WNT16: variants seen among roughly 807,000 people sequenced by gnomAD.
WNT16 encodes the protein protein Wnt-16.
WNT16 carries 20 observed loss-of-function variants against 35.4 expected under a neutral mutation model. That is an observed-to-expected ratio of 0.56 (90% CI 0.40 to 0.82). WNT16 has a LOEUF of 0.82. Among genes scored for constraint, WNT16 ranks in the 40% least tolerant of loss-of-function variants. The probability of loss-of-function intolerance (pLI) is 0.00; values close to 1 mark genes in which losing one functional copy is unlikely to be tolerated. For missense variants in WNT16, 461 were observed against 466.0 expected (o/e 0.99, Z 0.10); for synonymous variants, 180 against 179.2 (o/e 1.00, Z -0.03).
intron 3 of WNT16, among the ~76,000 whole-genome samples, chr7:121,334,137 C>G (rs1160957004): frequency 6.6e-6 from 1 of 152,000 alleles, no homozygotes; most frequent in African/African-American, 2.4e-5. Flanking sequence ...ATTATTCTAA[C>G]TAGCTTGAAA....
chr7:121,329,100 C>G lies in WNT16; in HGVS notation c.-193C>G. On this transcript the variant is annotated 5_prime_UTR_variant, in exon 1 of 4. Coordinates refer to ENST00000222462, the MANE Select transcript of WNT16 (RefSeq NM_057168.2). ...GATCCCCAGGCTGCTCTCTCCATCT[C>G]TCCTACAGCTCCCTGCAAACGAGGG... 1 of 1,363,078 alleles carries G rather than the reference C, an allele frequency of 7.3e-7. No homozygotes were observed. Among genetic ancestry groups the G allele is most frequent in the South Asian group, 2.1e-5 (1 of 47,976 alleles). 84.4% of individuals were successfully genotyped at this position (1,363,078 alleles called of 1,614,324 possible). A position where few individuals can be genotyped will look rare whatever the true frequency, so the allele number is the denominator to read the frequency against.
At chr7:121,335,302 C>A (rs752589128) in intron 3 of WNT16, among the ~76,000 whole-genome samples, 3 of 152,148 alleles carry the variant, frequency 2.0e-5, no homozygotes, top group Admixed American at 6.5e-5. Context: ...ACTTCTCAAG[C>A]GGTTTCTATG....
Position 121,336,645 on chromosome 7 carries a change from T to C in WNT16, c.634-2236T>C, listed in dbSNP as rs187208648. Among the ~76,000 whole-genome samples, 8 of 152,276 alleles carry C rather than the reference T, an allele frequency of 5.3e-5. 1 individual carries two copies. In the East Asian group the frequency reaches 1.5e-3, roughly 29 times the overall value. On this transcript the variant is annotated intron_variant, in intron 3 of 3. Transcript: ENST00000222462. The stretch of plus-strand genomic sequence containing the variant: ...TACCATTAACCTCTTAGCAGTGACA[T>C]GTGTTTAAGAAGGTGGTTTTTATTA...
chr7:121,334,788 G>T (rs903888760), intron 3 of WNT16, among the ~76,000 whole-genome samples: 1 of 152,048 alleles, frequency 6.6e-6, no homozygotes, highest in Non-Finnish European at 1.5e-5. Flanking sequence ...TCTTCCAGGG[G>T]CAGAACTTCT....
chr7:121,329,549 G>C lies in WNT16; in HGVS notation c.96-18G>C, dbSNP rs377702128. 8.7e-6 allele frequency: 14 copies of C among 1,612,032 alleles called. No homozygotes were observed. In the South Asian group the frequency reaches 1.2e-4, roughly 14 times the overall value. On this transcript the variant is annotated intron_variant, in intron 1 of 3. Transcript: ENST00000222462. ...AATTGGGGAGCGGCTTAACGCTACG[G>C]GCGGCCGTGTCTTACAGGTGGTTGG...
At chr7:121,330,945 C>T (rs999062873) in intron 2 of WNT16, among the ~76,000 whole-genome samples, 1 of 151,830 alleles carries the variant, frequency 6.6e-6, no homozygotes, top group Non-Finnish European at 1.5e-5. Flanking sequence ...TTAGCTCAAA[C>T]TCTACTGCAG....
At chr7:121,327,892 T>C (rs1584674391), upstream of WNT16, among the ~76,000 whole-genome samples, 1 of 152,186 alleles carries the variant, frequency 6.6e-6, no homozygotes, top group Non-Finnish European at 1.5e-5. Context: ...ACCTTCCAAA[T>C]CTGCCAGTAA....
At chr7:121,329,943 A>G in intron 2 of WNT16, 126 bp downstream of exon 2, 10 of 1,398,360 alleles carry the variant, frequency 7.2e-6, no homozygotes, top group Non-Finnish European at 8.5e-6. Flanking sequence ...GAAGCCCTTT[A>G]GTGCACGGGG....
rs1793293115 is a variant in WNT16 at position 121,329,185 on chromosome 7, A to C, written c.-108A>C. On this transcript the variant is annotated 5_prime_UTR_variant, in exon 1 of 4. Coordinates refer to ENST00000222462, the MANE Select transcript of WNT16 (RefSeq NM_057168.2). ...TTTAATGTTGTATGCAAGGAGGAAG[A>C]GGGCGAGGGATAACTTGGTGCTGGA... The C allele has an allele frequency of 7.0e-7, 1 of 1,434,740 alleles. No homozygotes were observed. Among genetic ancestry groups the C allele is most frequent in the Admixed American group, 2.8e-5 (1 of 35,312 alleles). 88.9% of individuals were successfully genotyped at this position (1,434,740 alleles called of 1,614,324 possible).
chr7:121,339,302 G>C lies in WNT16; in HGVS notation c.1055G>C (p.Cys352Ser). 1 of 1,613,950 alleles carries C rather than the reference G, an allele frequency of 6.2e-7. No homozygotes were observed. The highest frequency in any genetic ancestry group is 8.5e-7 in the Non-Finnish European group (1 of 1,180,014). ...TTCATCTGGTGCTGCTATGTCCGTTGCAGGAGGTGTGAAAGCATGACTGAT... is the reference window on the plus strand; with the variant it reads ...TTCATCTGGTGCTGCTATGTCCGTTCCAGGAGGTGTGAAAGCATGACTGAT... ...CKFIWCCYVR[C>S]RRCESMTDVH... The change falls in exon 4 of 4, where the codon TGC becomes TCC. Residue 352 changes from cysteine (C) to serine (S), a missense_variant. Coordinates refer to ENST00000222462, the MANE Select transcript of WNT16 (RefSeq NM_057168.2).
chr7:121,329,518 A>G (rs750898593), intron 1 of WNT16, 49 bp from the exon 2 acceptor site: 3 of 1,604,674 alleles, frequency 1.9e-6, no homozygotes, highest in East Asian at 4.5e-5. Flanking sequence ...TTCGGAAAAC[A>G]TCTGGAATTG....
Position 121,329,217 on chromosome 7 carries a change from A to G in WNT16, c.-76A>G. 6.9e-7 allele frequency: 1 copy of G among 1,458,834 alleles called. No individual in the cohort carries two copies. The highest frequency in any genetic ancestry group is 9.0e-7 in the Non-Finnish European group (1 of 1,107,682). 90.4% of individuals were successfully genotyped at this position (1,458,834 alleles called of 1,614,324 possible). ...GGGATAACTTGGTGCTGGACAACTG[A>G]CCTGCGGCCCGAAGGGCCTCTGGGG... On this transcript the variant is annotated 5_prime_UTR_variant, in exon 1 of 4. The change abolishes the stop of an existing upstream ORF in the 5' untranslated region. Coordinates refer to ENST00000222462, the MANE Select transcript of WNT16 (RefSeq NM_057168.2).
intron 3 of WNT16, among the ~76,000 whole-genome samples, chr7:121,336,011 TG>T (rs1793440702): frequency 1.3e-5 from 2 of 151,538 alleles, no homozygotes; most frequent in East Asian, 3.9e-4. Flanking sequence ...TGTGTGTGTG[TG>T]TGTGTGTGTG....
At chr7:121,326,038 CAAAAAAAAAAAAAA>C (rs386411143), upstream of WNT16, among the ~76,000 whole-genome samples, 3 of 23,094 alleles carry the variant, frequency 1.3e-4, no homozygotes, top group African/African-American at 2.7e-4. Context: ...TACCTCATCT[CAAAAAAAAAAAAAA>C]AAAAAAAAAA....
At position 121,329,820 on chromosome 7, in the gene WNT16, G is replaced by A; in HGVS notation, c.346+3G>A. 6.2e-7 allele frequency: 1 copy of A among 1,600,860 alleles called. No homozygotes were observed. Among genetic ancestry groups the A allele is most frequent in the Non-Finnish European group, 8.5e-7 (1 of 1,179,926 alleles). On this transcript the variant is annotated splice_donor_region_variant and intron_variant, in intron 2 of 3. Coordinates refer to ENST00000222462, the MANE Select transcript of WNT16 (RefSeq NM_057168.2). The stretch of plus-strand genomic sequence containing the variant: ...CTTTGGCTACGAGCTGAGCAGCGGT[G>A]AGTCCTGGGTCCTTAGGGGTTGGTG...
At chr7:121,338,755 C>T (rs1793478992) in intron 3 of WNT16, 126 bp from the exon 4 acceptor site, 1 of 847,808 alleles carries the variant, frequency 1.2e-6, no homozygotes. Context: ...TATTTACGTT[C>T]AAAACCATCA....
rs1793524988 is a variant in WNT16, at chr7:121,340,997, T to A, written c.*1652T>A. On this transcript the variant is annotated 3_prime_UTR_variant, in exon 4 of 4. Transcript: ENST00000222462. ...TGCCCCACAGTCTTCATTCTATTTC[T>A]CTTTAATTTTATTCACTGAGGCAGA... 6.6e-6 allele frequency: 1 copy of A among 152,144 alleles called. No homozygotes were observed. The highest frequency in any genetic ancestry group is 2.4e-5 in the African/African-American group (1 of 41,454). 9.4% of individuals were successfully genotyped at this position (152,144 alleles called of 1,614,324 possible). A position where few individuals can be genotyped will look rare whatever the true frequency, so the allele number is the denominator to read the frequency against.
chr7:121,336,662 T>A (rs1233199027), intron 3 of WNT16, among the ~76,000 whole-genome samples: 2 of 152,202 alleles, frequency 1.3e-5, no homozygotes, highest in Non-Finnish European at 2.9e-5. Flanking sequence ...AAGAAGGTGG[T>A]TTTTATTACT....
At chr7:121,326,290 C>CAAATAT (rs1008018204), upstream of WNT16, among the ~76,000 whole-genome samples, 8 of 152,164 alleles carry the variant, frequency 5.3e-5, no homozygotes, top group Admixed American at 2.0e-4. Flanking sequence ...AATTATCATT[C>CAAATAT]AAATATCTGT....
Sources: allele counts gnomAD v4.1 joint callset (sites outside exome capture counted in the v4.1 genomes callset), GRCh38; gene constraint gnomAD v4.1.1; transcripts MANE v1.5; gene names NCBI Gene and HGNC (gene_info 2026-07-23, HGNC 2026-07-21).